Variants in MTMR2 observed in about 807,000 individuals in gnomAD.
MTMR2 encodes phosphatidylinositol-3,5-bisphosphate 3-phosphatase MTMR2.
In MTMR2, 55 loss-of-function variants were observed where a neutral mutation model predicts 86.9. The ratio of observed to expected loss-of-function variants is 0.63; its 90% CI spans 0.51 to 0.79. The LOEUF (loss-of-function observed/expected upper bound fraction) is 0.79, where lower values mean the gene tolerates loss of function less well. Among genes scored for constraint, MTMR2 ranks in the 30% least tolerant of loss-of-function variants. MTMR2 has a pLI of 0.00. For missense variants in MTMR2, 659 were observed against 772.3 expected (o/e 0.85, Z 1.74); for synonymous variants, 241 against 266.8 (o/e 0.90, Z 0.94).
At chr11:95,853,755 A>C (rs1864108505) in intron 7 of MTMR2, among the ~76,000 whole-genome samples, 1 of 152,188 alleles carries the variant, frequency 6.6e-6, no homozygotes, top group Non-Finnish European at 1.5e-5. Flanking sequence ...TATTTTAGCC[A>C]CTAGTATTTA....
At chr11:95,914,770 C>T (rs1013342915) in intron 1 of MTMR2, among the ~76,000 whole-genome samples, 7 of 152,092 alleles carry the variant, frequency 4.6e-5, no homozygotes, top group African/African-American at 1.7e-4. Flanking sequence ...TTGGTCTGCA[C>T]CTGGGGCACT....
Position 95,842,481 on chromosome 11 carries a change from AC to A in MTMR2, c.1387-773del, listed in dbSNP as rs914487086. ...ACCATATTAGCACACATCTTAGAAA[AC>A]CTGTCAAAAATGCTTGACATCCACC... On this transcript the variant is annotated intron_variant, in intron 11 of 14. Coordinates refer to ENST00000346299, the MANE Select transcript of MTMR2 (RefSeq NM_016156.6). Among the ~76,000 whole-genome samples the A allele has an allele frequency of 2.6e-5, 4 of 151,998 alleles. No homozygotes were observed. The East Asian group carries it at 5.8e-4, about 22-fold the overall frequency.
rs559560751 is a variant in MTMR2 at position 95,851,654 on chromosome 11, G to A, written c.655-905C>T. On this transcript the variant is annotated intron_variant, in intron 7 of 14. Coordinates refer to ENST00000346299, the MANE Select transcript of MTMR2 (RefSeq NM_016156.6). ...AGGGTCTCATTCAGTTTGACTGGAT[G>A]ATTGACTTTGTTGCCATTCATCTAT... 2.6e-5 allele frequency among the ~76,000 whole-genome samples: 4 copies of A among 152,350 alleles called. No individual in the cohort carries two copies. In the South Asian group the frequency reaches 8.3e-4, roughly 32 times the overall value.
At chr11:95,890,095 T>C (rs1008239203) in intron 1 of MTMR2, among the ~76,000 whole-genome samples, 13 of 152,076 alleles carry the variant, frequency 8.5e-5, no homozygotes, top group African/African-American at 1.9e-4. Context: ...AAAAAAGAAA[T>C]TGTCACTTCA....
chr11:95,851,577 G>A (rs1864024374), intron 7 of MTMR2, among the ~76,000 whole-genome samples: 1 of 151,954 alleles, frequency 6.6e-6, no homozygotes, highest in African/African-American at 2.4e-5. Flanking sequence ...GGTCAGGCTG[G>A]TTGCGAACTC....
In MTMR2 at chr11:95,839,581, A is replaced by G. The variant is rs574608561; in HGVS notation, c.1480-1374T>C. Among the ~76,000 whole-genome samples, 17 of 152,256 alleles carry G rather than the reference A, an allele frequency of 1.1e-4. 1 individual carries two copies. In the South Asian group the frequency reaches 3.5e-3, roughly 32 times the overall value. ...TTGCTTTTAAAACCCTCAGCAGAAG[A>G]GAACTATTTTGTTTTCTTTACATGT... is the stretch of plus-strand genomic sequence containing the variant. On this transcript the variant is annotated intron_variant, in intron 12 of 14. Transcript: ENST00000346299.
intron 11 of MTMR2, among the ~76,000 whole-genome samples, chr11:95,842,876 T>A (rs1255693041): frequency 2.6e-5 from 4 of 152,214 alleles, no homozygotes; most frequent in Non-Finnish European, 4.4e-5. Context: ...TATGCCAGTG[T>A]ACTTAACAAC....
chr11:95,845,517 C>T (rs1294920127), intron 10 of MTMR2, among the ~76,000 whole-genome samples: 1 of 152,026 alleles, frequency 6.6e-6, no homozygotes, highest in Non-Finnish European at 1.5e-5. Flanking sequence ...ATTGATATAG[C>T]AATTGAAGCC....
intron 12 of MTMR2, chr11:95,839,928 T>A (rs1323238370): frequency 2.0e-5 from 3 of 152,222 alleles, no homozygotes; most frequent in Non-Finnish European, 4.4e-5. Context: ...GATTTTCTTT[T>A]ATTTAGTGCC....
intron 7 of MTMR2, among the ~76,000 whole-genome samples, chr11:95,851,912 T>C (rs184562802): frequency 1.2e-3 from 189 of 152,360 alleles, no homozygotes; most frequent in Non-Finnish European, 2.2e-3. Context: ...TATTGAGCTC[T>C]CGTGCTCCTT....
At chr11:95,889,769 T>G (rs1444534426) in intron 1 of MTMR2, among the ~76,000 whole-genome samples, 1 of 152,234 alleles carries the variant, frequency 6.6e-6, no homozygotes, top group Non-Finnish European at 1.5e-5. Flanking sequence ...ATTGAATAAC[T>G]GATATCATTT....
At chr11:95,889,516 G>A (rs956586797) in intron 1 of MTMR2, among the ~76,000 whole-genome samples, 1 of 131,006 alleles carries the variant, frequency 7.6e-6, no homozygotes, top group Non-Finnish European at 1.6e-5. Flanking sequence ...TGTCTTTTTT[G>A]GGGGGGGAGG....
At chr11:95,847,147 G>A (rs1367107491) in intron 10 of MTMR2, among the ~76,000 whole-genome samples, 4 of 152,160 alleles carry the variant, frequency 2.6e-5, no homozygotes, top group African/African-American at 4.8e-5. Flanking sequence ...TTAGCACTCA[G>A]TGTGGCTCAT....
Position 95,833,696 on chromosome 11 carries a change from G to T in MTMR2, c.*1594C>A, listed in dbSNP as rs1412971381. 2.6e-5 allele frequency: 4 copies of T among 152,082 alleles called. No individual in the cohort carries two copies. The highest frequency in any genetic ancestry group is 2.6e-4 in the Admixed American group (4 of 15,244). The allele number at this position is 152,082 out of a possible 1,614,324, so 9.4% of individuals were successfully genotyped here. On this transcript the variant is annotated 3_prime_UTR_variant, in exon 15 of 15. Coordinates refer to ENST00000346299, the MANE Select transcript of MTMR2 (RefSeq NM_016156.6). ...GTGGTATCAGGCCAAGATAACCAAG[G>T]TTTAAATGAGGAAAATGGCAGATGC...
intron 1 of MTMR2, among the ~76,000 whole-genome samples, chr11:95,917,218 C>T (rs1336857923): frequency 1.3e-5 from 2 of 152,186 alleles, no homozygotes; most frequent in African/African-American, 4.8e-5. Context: ...ATAGCAAGTA[C>T]TTTACATATT....
intron 7 of MTMR2, among the ~76,000 whole-genome samples, chr11:95,853,648 C>T (rs1182532908): frequency 1.3e-5 from 2 of 152,074 alleles, no homozygotes; most frequent in African/African-American, 4.8e-5. Flanking sequence ...CTCTATCAGA[C>T]TATTCATTAC....
intron 2 of MTMR2, among the ~76,000 whole-genome samples, chr11:95,886,602 A>G (rs1167060811): frequency 6.6e-6 from 1 of 152,188 alleles, no homozygotes; most frequent in East Asian, 1.9e-4. Context: ...ACTCACAAGT[A>G]TACACAAATG....
intron 1 of MTMR2, among the ~76,000 whole-genome samples, chr11:95,911,887 C>T (rs1866519053): frequency 6.6e-6 from 1 of 152,118 alleles, no homozygotes; most frequent in Non-Finnish European, 1.5e-5. Context: ...TCTCACTCCA[C>T]CTTGCAAACC....
intron 1 of MTMR2, among the ~76,000 whole-genome samples, chr11:95,910,985 C>T (rs1268800048): frequency 6.6e-6 from 1 of 152,132 alleles, no homozygotes; most frequent in Admixed American, 6.5e-5. Flanking sequence ...AAACAACCCC[C>T]CCAAAACAAA....
Sources: allele counts gnomAD v4.1 joint callset (sites outside exome capture counted in the v4.1 genomes callset), GRCh38; gene constraint gnomAD v4.1.1; transcripts MANE v1.5; gene names NCBI Gene and HGNC (gene_info 2026-07-23, HGNC 2026-07-21).